FAF1: variants seen among roughly 807,000 people sequenced by gnomAD.
FAF1 encodes the protein Fas associated factor 1.
A neutral mutation model predicts 92.5 loss-of-function variants in FAF1; 25 were observed. The ratio of observed to expected loss-of-function variants is 0.27; its 90% CI spans 0.20 to 0.38. The LOEUF (loss-of-function observed/expected upper bound fraction) is 0.38. Ranked by LOEUF, FAF1 falls within the 10% of genes least tolerant of loss-of-function variation. The pLI, the probability that FAF1 is intolerant of heterozygous loss-of-function variation, is 1.00. For missense variants in FAF1, 636 were observed against 793.3 expected (o/e 0.80, Z 2.38); for synonymous variants, 234 against 273.2 (o/e 0.86, Z 1.42).
In FAF1 at chr1:50,540,033, G is replaced by C. The variant is rs960794969; in HGVS notation, c.1269-305C>G. 9.2e-5 allele frequency among the ~76,000 whole-genome samples: 14 copies of C among 151,896 alleles called. No homozygotes were observed. The East Asian group carries it at 2.7e-3, about 29-fold the overall frequency. On this transcript the variant is annotated intron_variant, in intron 13 of 18. Coordinates refer to ENST00000396153, the MANE Select transcript of FAF1 (RefSeq NM_007051.3). ...GTCACCCAGGCTGGAGTGCAGTGTT[G>C]TGATCTCGGCTCACTGAAACCCCCG...
chr1:50,846,868 T>C (rs560199785), intron 2 of FAF1: 128 of 495,394 alleles, frequency 2.6e-4, no homozygotes, highest in African/African-American at 9.0e-4. Flanking sequence ...ATTAGCCTTA[T>C]ATTTAATCCC....
chr1:50,597,229 C>G (rs182222358), intron 8 of FAF1, among the ~76,000 whole-genome samples: 1 of 152,254 alleles, frequency 6.6e-6, no homozygotes, highest in Admixed American at 6.5e-5. Flanking sequence ...AAAGGATGGA[C>G]TCTAGAAAAC....
At chr1:50,738,983 G>T (rs1202667779) in intron 5 of FAF1, 29 bp from the exon 6 acceptor site, 6 of 1,279,164 alleles carry the variant, frequency 4.7e-6, no homozygotes, top group South Asian at 3.9e-5. Context: ...AGCAAAAAAT[G>T]AATGTTGATG....
At chr1:50,659,661 T>C (rs777847724) in intron 7 of FAF1, among the ~76,000 whole-genome samples, 55 of 152,216 alleles carry the variant, frequency 3.6e-4, no homozygotes, top group Admixed American at 5.9e-4. Flanking sequence ...TTGTTTTACA[T>C]GCAAATGTTT....
rs545953126 is a variant in FAF1 at position 50,515,758 on chromosome 1, G to A, written c.1494+19611C>T. ...CATAGACATACCTTCAAAAAAATGT[G>A]CCCTAATGCACATTTTCAGCCTTCT... On this transcript the variant is annotated intron_variant, in intron 15 of 18. Coordinates refer to ENST00000396153, the MANE Select transcript of FAF1 (RefSeq NM_007051.3). 3.9e-5 allele frequency among the ~76,000 whole-genome samples: 6 copies of A among 152,058 alleles called. No individual in the cohort carries two copies. In the South Asian group the frequency reaches 1.2e-3, roughly 32 times the overall value.
chr1:50,507,516 G>A (rs905246650), intron 15 of FAF1, among the ~76,000 whole-genome samples: 3 of 152,082 alleles, frequency 2.0e-5, no homozygotes, highest in African/African-American at 7.2e-5. Flanking sequence ...AAAGTCGGAG[G>A]ATTCCTTGAG....
chr1:50,590,667 T>C (rs566621213), intron 9 of FAF1, among the ~76,000 whole-genome samples: 9 of 152,226 alleles, frequency 5.9e-5, no homozygotes, highest in Non-Finnish European at 1.2e-4. Context: ...TCCAGAACTA[T>C]GTCAAATAGA....
intron 1 of FAF1, among the ~76,000 whole-genome samples, chr1:50,932,204 C>G (rs114541491): frequency 6.6e-6 from 1 of 152,110 alleles, no homozygotes; most frequent in East Asian, 1.9e-4. Context: ...ATCATGCCTT[C>G]CCAATAGTCC....
At chr1:50,454,681 C>G (rs1223249396) in intron 18 of FAF1, among the ~76,000 whole-genome samples, 1 of 152,252 alleles carries the variant, frequency 6.6e-6, no homozygotes, top group African/African-American at 2.4e-5. Context: ...AATGCAGGTA[C>G]TGGCAATGCC....
chr1:50,788,327 G>T, intron 3 of FAF1, 122 bp from the exon 4 acceptor site: 1 of 760,568 alleles, frequency 1.3e-6, no homozygotes, highest in Non-Finnish European at 2.2e-6. Context: ...CTACATGTGT[G>T]TCAAGGCCAG....
chr1:50,766,791 C>CAAAAAAAAAAAAAAAAAAAA (rs765570305), intron 4 of FAF1, among the ~76,000 whole-genome samples: 1 of 61,926 alleles, frequency 1.6e-5, no homozygotes, highest in African/African-American at 6.2e-5. Flanking sequence ...AGCAAGCAAG[C>CAAAAAAAAAAAAAAAAAAAA]AAAAAAAAAA....
At chr1:50,880,883 T>A (rs1337398045) in intron 1 of FAF1, among the ~76,000 whole-genome samples, 1 of 152,246 alleles carries the variant, frequency 6.6e-6, no homozygotes. Context: ...GCACACCATT[T>A]GGCTCTGCAA....
chr1:50,898,732 G>C (rs754823049), intron 1 of FAF1, among the ~76,000 whole-genome samples: 7 of 152,164 alleles, frequency 4.6e-5, no homozygotes, highest in Non-Finnish European at 8.8e-5. Flanking sequence ...TCTTCTGTCA[G>C]TCTTATCTTT....
At chr1:50,937,210 A>C (rs1308325171) in intron 1 of FAF1, among the ~76,000 whole-genome samples, 1 of 152,110 alleles carries the variant, frequency 6.6e-6, no homozygotes. Context: ...CAATGTGCAC[A>C]ACTAGGTGAA....
intron 15 of FAF1, 32 bp downstream of exon 15, chr1:50,535,337 C>T (rs763079271): frequency 1.4e-6 from 2 of 1,389,388 alleles, no homozygotes; most frequent in Non-Finnish European, 2.0e-6. Flanking sequence ...AAAATCTCAT[C>T]AAAATCCTAT....
intron 8 of FAF1, among the ~76,000 whole-genome samples, chr1:50,637,820 T>A (rs1278130545): frequency 2.0e-5 from 3 of 151,890 alleles, no homozygotes; most frequent in African/African-American, 7.2e-5. Context: ...TCTCAGAAAT[T>A]TTTTCCTATC....
intron 2 of FAF1, among the ~76,000 whole-genome samples, chr1:50,806,758 G>A (rs1457539186): frequency 2.6e-5 from 4 of 152,176 alleles, no homozygotes; most frequent in Non-Finnish European, 5.9e-5. Context: ...GCCTAGGAGG[G>A]ATGAGCTTAG....
intron 1 of FAF1, among the ~76,000 whole-genome samples, chr1:50,858,921 A>T (rs1644411463): frequency 6.6e-6 from 1 of 151,832 alleles, no homozygotes; most frequent in South Asian, 2.1e-4. Context: ...ATCCAACAGC[A>T]CATCAAAAAG....
chr1:50,637,273 T>TAAAAAA (rs1172030649), intron 8 of FAF1, among the ~76,000 whole-genome samples: 1 of 97,258 alleles, frequency 1.0e-5, no homozygotes, highest in Non-Finnish European at 2.0e-5. Flanking sequence ...CCATTTCTAC[T>TAAAAAA]AAAAAAAAAA....
Sources: allele counts gnomAD v4.1 joint callset (sites outside exome capture counted in the v4.1 genomes callset), GRCh38; gene constraint gnomAD v4.1.1; transcripts MANE v1.5; gene names NCBI Gene and HGNC (gene_info 2026-07-23, HGNC 2026-07-21).